The following CAMKMT variants were observed in gnomAD, a reference collection of about 807,000 sequenced individuals.
The protein encoded by CAMKMT is calmodulin-lysine N-methyltransferase.
Under a neutral mutation model 48.0 loss-of-function variants are expected in CAMKMT, and 53 were observed. The observed-to-expected ratio is 1.10, with a 90% confidence interval of 0.89 to 1.39. The LOEUF is 1.39. Ranked by LOEUF, CAMKMT falls within the 40% of genes most tolerant of loss-of-function variation. The probability of loss-of-function intolerance (pLI) is 0.00; values close to 1 mark genes in which losing one functional copy is unlikely to be tolerated. For missense variants in CAMKMT, 428 were observed against 402.7 expected, an observed-to-expected ratio of 1.06 and a Z score of -0.54; for synonymous variants, 165 against 152.3, an observed-to-expected ratio of 1.08 and a Z score of -0.61.
intron 3 of CAMKMT, among the ~76,000 whole-genome samples, chr2:44,409,335 T>C (rs1359531205): frequency 6.6e-6 from 1 of 152,078 alleles, no homozygotes. Flanking sequence ...TGGTGATTTC[T>C]ACCGTGACAT....
At chr2:44,507,844 G>A (rs1000064579) in intron 3 of CAMKMT, among the ~76,000 whole-genome samples, 25 of 152,014 alleles carry the variant, frequency 1.6e-4, no homozygotes, top group Non-Finnish European at 3.1e-4. Context: ...AGTGTCAGCC[G>A]AACTAAACAA....
At chr2:44,450,502 C>T (rs1667235330) in intron 3 of CAMKMT, among the ~76,000 whole-genome samples, 1 of 152,074 alleles carries the variant, frequency 6.6e-6, no homozygotes, top group Non-Finnish European at 1.5e-5. Flanking sequence ...GGTTATGAAG[C>T]ATTCTGAACT....
intron 3 of CAMKMT, among the ~76,000 whole-genome samples, chr2:44,490,722 C>G (rs13028999): frequency 6.6e-6 from 1 of 152,128 alleles, no homozygotes; most frequent in African/African-American, 2.4e-5. Flanking sequence ...GTATGTATTT[C>G]TCTCCATTCC....
At chr2:44,461,337 A>G (rs1240365314) in intron 3 of CAMKMT, among the ~76,000 whole-genome samples, 1 of 152,178 alleles carries the variant, frequency 6.6e-6, no homozygotes, top group Non-Finnish European at 1.5e-5. Flanking sequence ...TAAATATCTC[A>G]TTAAAAAAAA....
At chr2:44,713,161 T>G (rs1028098811) in intron 6 of CAMKMT, among the ~76,000 whole-genome samples, 1 of 152,130 alleles carries the variant, frequency 6.6e-6, no homozygotes, top group African/African-American at 2.4e-5. Flanking sequence ...TGTATAAAAG[T>G]ATATAGTGTT....
At chr2:44,513,934 C>G (rs1572689821) in intron 3 of CAMKMT, among the ~76,000 whole-genome samples, 1 of 151,832 alleles carries the variant, frequency 6.6e-6, no homozygotes, top group African/African-American at 2.4e-5. Context: ...AACCCCGTCT[C>G]TACAAAAAAA....
At position 44,390,321 on chromosome 2, in the gene CAMKMT, A is replaced by G. The variant is rs762760300; in HGVS notation, c.376+16A>G. On this transcript the variant is annotated intron_variant, in intron 3 of 10. Coordinates refer to ENST00000378494, the MANE Select transcript of CAMKMT (RefSeq NM_024766.5). ...GGAAATGTTTGTAAGTTATACATTCACTCTATAGAAATATATTTAGTGTTT... is the reference window on the plus strand; with the variant it reads ...GGAAATGTTTGTAAGTTATACATTCGCTCTATAGAAATATATTTAGTGTTT... The G allele has an allele frequency of 5.2e-6, 8 of 1,532,056 alleles. No individual in the cohort carries two copies. In the Admixed American group the frequency reaches 5.6e-5, roughly 11 times the overall value. 94.9% of individuals were successfully genotyped at this position (1,532,056 alleles called of 1,614,324 possible).
intron 3 of CAMKMT, among the ~76,000 whole-genome samples, chr2:44,453,096 C>T (rs888061495): frequency 1.3e-5 from 2 of 151,944 alleles, no homozygotes; most frequent in East Asian, 1.9e-4. Flanking sequence ...TTCATGGAGA[C>T]GACAATGCTT....
At position 44,657,507 on chromosome 2, in the gene CAMKMT, C is replaced by T. The variant is rs1433295238; in HGVS notation, c.377-46776C>T. 6.6e-6 allele frequency among the ~76,000 whole-genome samples: 1 copy of T among 152,164 alleles called. No homozygotes were observed. Among genetic ancestry groups the T allele is most frequent in the Non-Finnish European group, 1.5e-5 (1 of 68,032 alleles). ...AAGATATTTCTGGCCAAGGTCATGC[C>T]TTCCATGCTTTATGGTATGTAAGTT... On this transcript the variant is annotated intron_variant, in intron 3 of 10. Coordinates refer to ENST00000378494, the MANE Select transcript of CAMKMT (RefSeq NM_024766.5). The surrounding 1 kb of genome is among the most constrained non-coding windows in gnomAD (Gnocchi z 4.3).
At chr2:44,624,298 T>G (rs1459213147) in intron 3 of CAMKMT, among the ~76,000 whole-genome samples, 1 of 152,074 alleles carries the variant, frequency 6.6e-6, no homozygotes, top group Non-Finnish European at 1.5e-5. Flanking sequence ...GGCTGGGTTT[T>G]TTTTCTTTTT....
intron 3 of CAMKMT, among the ~76,000 whole-genome samples, chr2:44,678,723 T>C (rs1400487443): frequency 1.3e-5 from 2 of 152,194 alleles, no homozygotes; most frequent in African/African-American, 4.8e-5. Flanking sequence ...ATTGTGAATG[T>C]TTGTATATTG....
At chr2:44,553,059 A>G (rs929988424) in intron 3 of CAMKMT, among the ~76,000 whole-genome samples, 9 of 152,184 alleles carry the variant, frequency 5.9e-5, no homozygotes, top group Middle Eastern at 3.2e-3. Flanking sequence ...CACAGAAATT[A>G]AGTACTAGAT....
chr2:44,529,347 A>G (rs919398445), intron 3 of CAMKMT, among the ~76,000 whole-genome samples: 1 of 152,188 alleles, frequency 6.6e-6, no homozygotes, highest in Admixed American at 6.5e-5. Flanking sequence ...ATTATAAATT[A>G]TTTCCCCCTA....
intron 7 of CAMKMT, among the ~76,000 whole-genome samples, chr2:44,740,617 G>C (rs566748966): frequency 1.3e-5 from 2 of 152,264 alleles, no homozygotes; most frequent in African/African-American, 4.8e-5. Context: ...GTCCACTTGA[G>C]GTTCATAGTC....
intron 3 of CAMKMT, among the ~76,000 whole-genome samples, chr2:44,627,748 C>A (rs1672574756): frequency 9.2e-6 from 1 of 108,720 alleles, no homozygotes. Context: ...CTCACTCTGT[C>A]ACCTAGGCTG....
intron 1 of CAMKMT, among the ~76,000 whole-genome samples, chr2:44,371,172 A>G (rs1679142131): frequency 6.6e-6 from 1 of 152,050 alleles, no homozygotes; most frequent in Non-Finnish European, 1.5e-5. Context: ...TTTAGTAAGG[A>G]TGGGGTTTCA....
chr2:44,575,165 G>A (rs1203237491), intron 3 of CAMKMT, among the ~76,000 whole-genome samples: 7 of 151,884 alleles, frequency 4.6e-5, no homozygotes, highest in Admixed American at 2.6e-4. Context: ...TGCAACCTCC[G>A]TCTCCCGGTT....
intron 3 of CAMKMT, among the ~76,000 whole-genome samples, chr2:44,692,675 A>G (rs1488524488): frequency 6.8e-6 from 1 of 147,960 alleles, no homozygotes; most frequent in Non-Finnish European, 1.5e-5. Flanking sequence ...CATAAGAGCC[A>G]GTATTCAAGC....
rs1245162202 is a variant in CAMKMT at position 44,647,397 on chromosome 2, A to G, written c.377-56886A>G. On this transcript the variant is annotated intron_variant, in intron 3 of 10. Transcript: ENST00000378494. ...TCTTTGCTGTCTGTGCATGGACTGA[A>G]TAATGAAGTGCAGTGAACAATCACC... Among the ~76,000 whole-genome samples the G allele has an allele frequency of 2.0e-5, 3 of 152,202 alleles. No homozygotes were observed. In the East Asian group the frequency reaches 5.8e-4, roughly 29 times the overall value.
Sources: gnomAD v4.1 joint callset for allele counts (sites outside exome capture counted in the v4.1 genomes callset) on GRCh38, gnomAD v4.1.1 for gene constraint, Gnocchi (gnomAD v3.1) non-coding constraint, MANE v1.5 for transcripts, NCBI Gene and HGNC (gene_info 2026-07-23, HGNC 2026-07-21) for gene names.